Variants in ABCA8 observed in about 807,000 individuals in gnomAD.
ABCA8 encodes ABC-type organic anion transporter ABCA8.
In ABCA8, 177 loss-of-function variants were observed where a neutral mutation model predicts 192.3. The observed-to-expected ratio is 0.92, with a 90% confidence interval of 0.81 to 1.04. The LOEUF (loss-of-function observed/expected upper bound fraction) is 1.04, where lower values mean the gene tolerates loss of function less well. ABCA8 is among the 50% of genes least tolerant of loss of function. The probability of loss-of-function intolerance (pLI) is 0.00; values close to 1 mark genes in which losing one functional copy is unlikely to be tolerated. For missense variants in ABCA8, 1,915 were observed against 1,904.8 expected, an observed-to-expected ratio of 1.01 and a Z score of -0.10; for synonymous variants, 642 against 690.2, an observed-to-expected ratio of 0.93 and a Z score of 1.09.
chr17:68,867,877 A>G lies in ABCA8; in HGVS notation c.*208T>C, dbSNP rs1255885514. The G allele has an allele frequency of 3.9e-6, 2 of 515,136 alleles. No homozygotes were observed. The highest frequency in any genetic ancestry group is 6.9e-6 in the Non-Finnish European group (2 of 291,268). 31.9% of individuals were successfully genotyped at this position (515,136 alleles called of 1,614,324 possible). A position where few individuals can be genotyped will look rare whatever the true frequency, so the allele number is the denominator to read the frequency against. ...GAACCAGTATGGCCTGCAGAGATAC[A>G]GAGGCTGTGAGAGGAGGTTGGCTTA... On this transcript the variant is annotated 3_prime_UTR_variant, in exon 40 of 40. Transcript: ENST00000586539.
At chr17:68,906,913 T>G (rs756771331) in intron 18 of ABCA8, among the ~76,000 whole-genome samples, 13 of 152,136 alleles carry the variant, frequency 8.5e-5, no homozygotes, top group Non-Finnish European at 1.9e-4. Context: ...AATAAAAACC[T>G]AATTCTAATA....
At chr17:68,881,241 C>T in intron 31 of ABCA8, 30 bp from the exon 32 acceptor site, 2 of 1,422,758 alleles carry the variant, frequency 1.4e-6, no homozygotes, top group South Asian at 2.3e-5. Flanking sequence ...TAATATTAAT[C>T]TATTTTAATG....
At chr17:68,922,049 G>A (rs1484690886) in intron 12 of ABCA8, among the ~76,000 whole-genome samples, 193 bp downstream of exon 12, 2 of 151,400 alleles carry the variant, frequency 1.3e-5, no homozygotes, top group Admixed American at 6.6e-5. Context: ...TAAAGTAGAA[G>A]CAATACATTA....
At chr17:68,943,517 C>A (rs1332890570) in intron 2 of ABCA8, among the ~76,000 whole-genome samples, 1 of 152,128 alleles carries the variant, frequency 6.6e-6, no homozygotes, top group East Asian at 1.9e-4. Flanking sequence ...TGCATAAATT[C>A]TCAAGAGAAT....
At chr17:68,909,353 G>A (rs1282101275) in intron 17 of ABCA8, among the ~76,000 whole-genome samples, 1 of 152,146 alleles carries the variant, frequency 6.6e-6, no homozygotes, top group African/African-American at 2.4e-5. Flanking sequence ...AAAAGAAAGG[G>A]CATGACTGGG....
chr17:68,918,060 G>A lies in ABCA8; in HGVS notation c.2034C>T (p.Ala678=). 4 of 1,614,008 alleles carry A rather than the reference G, an allele frequency of 2.5e-6. No individual in the cohort carries two copies. Among genetic ancestry groups the A allele is most frequent in the Non-Finnish European group, 3.4e-6 (4 of 1,179,984 alleles). Residue 678 remains alanine, a synonymous_variant, in exon 16 of 40, where the codon GCC becomes GCT. Coordinates refer to ENST00000586539, the MANE Select transcript of ABCA8 (RefSeq NM_001288985.2). ...ILFSTQFMDE[A]DILADRKVFL... is the part of the protein sequence containing the mutation. ...ACCAGTGATTACCCGCCAGGATGTC[G>A]GCCTCATCCATGAACTGGGTACTGA...
chr17:68,875,144 A>C, intron 37 of ABCA8, 116 bp downstream of exon 37: 1 of 1,418,150 alleles, frequency 7.1e-7, no homozygotes, highest in Non-Finnish European at 9.6e-7. Context: ...CTTCCTGCAG[A>C]ATCCAACAAA....
intron 32 of ABCA8, chr17:68,878,737 A>G (rs1370119619): frequency 6.6e-6 from 1 of 152,246 alleles, no homozygotes; most frequent in Non-Finnish European, 1.5e-5. Flanking sequence ...GAGGGTGTCC[A>G]TGATTGAAGT....
chr17:68,881,863 C>G lies in ABCA8; in HGVS notation c.3946G>C (p.Gly1316Arg), dbSNP rs1358643272. ...GAAGTGGAAGATCCCTATGGCCAAC[C>G]TTTTCTAACACAGAAGGAGACATTT... ...TRNVSFCVRKGEVLGLLGHNG... is the reference protein window; with the variant it reads ...TRNVSFCVRKREVLGLLGHNG... Residue 1316 changes from glycine to arginine, a missense_variant and splice_region_variant, in exon 31 of 40, where the codon GGT becomes CGT. By Grantham distance (125) the Gly-to-Arg change is moderately radical. Transcript: ENST00000586539. The G allele has an allele frequency of 6.2e-7, 1 of 1,613,126 alleles. No individual in the cohort carries two copies. Among genetic ancestry groups the G allele is most frequent in the Admixed American group, 1.7e-5 (1 of 60,016 alleles).
intron 12 of ABCA8, 35 bp downstream of exon 12, chr17:68,922,207 T>TACC (rs1349867847): frequency 1.6e-5 from 1 of 64,312 alleles, no homozygotes; most frequent in African/African-American, 1.1e-4. Flanking sequence ...TTTTTTTTTT[T>TACC]TTTTTTTTTT....
At position 68,867,493 on chromosome 17, in the gene ABCA8, A is replaced by C. The variant is rs2065948919; in HGVS notation, c.*592T>G. 1 of 152,178 alleles carries C rather than the reference A, an allele frequency of 6.6e-6. No homozygotes were observed. The highest frequency in any genetic ancestry group is 6.6e-5 in the Admixed American group (1 of 15,266). The allele number at this position is 152,178 out of a possible 1,614,324, so 9.4% of individuals were successfully genotyped here. On this transcript the variant is annotated 3_prime_UTR_variant, in exon 40 of 40. Coordinates refer to ENST00000586539, the MANE Select transcript of ABCA8 (RefSeq NM_001288985.2). ...TTACAGAAATAAAAAAGTACAATAT[A>C]TTTGAAATAGTAGGGTTTTTGTTTT...
chr17:68,877,862 TG>T (rs2066246888), intron 32 of ABCA8, 183 bp from the exon 33 acceptor site: 1 of 548,856 alleles, frequency 1.8e-6, no homozygotes. Context: ...GGAAAATAAG[TG>T]TGTCCACAGC....
At position 68,894,985 on chromosome 17, in the gene ABCA8, A is replaced by G; in HGVS notation, c.2793T>C (p.Ser931=). 6.2e-7 allele frequency: 1 copy of G among 1,613,328 alleles called. No homozygotes were observed. Among genetic ancestry groups the G allele is most frequent in the African/African-American group, 1.3e-5 (1 of 74,998 alleles). ...CTAAAGCTATGTTCTGGTGCTCCAC[A>G]GACTGTATAAAGTCATCAATGCTTG... The part of the protein sequence containing the change: ...TGASIDDFIQ[S]VEHQNIALEV... The change falls in exon 22 of 40, where the codon TCT becomes TCC. Residue 931 remains serine (S), a synonymous_variant. Transcript: ENST00000586539.
At chr17:68,954,827 T>A (rs1466953162) in intron 1 of ABCA8, among the ~76,000 whole-genome samples, 2 of 152,176 alleles carry the variant, frequency 1.3e-5, no homozygotes, top group Non-Finnish European at 2.9e-5. Flanking sequence ...TGCCCTACAT[T>A]ATTGTGCAAT....
At chr17:68,887,297 A>G (rs776908678) in intron 25 of ABCA8, 39 bp downstream of exon 25, 1 of 1,520,654 alleles carries the variant, frequency 6.6e-7, no homozygotes, top group African/African-American at 1.4e-5. Flanking sequence ...ACACAATGAT[A>G]TTGTGAATAT....
At position 68,917,253 on chromosome 17, in the gene ABCA8, A is replaced by G. The variant is rs538070336; in HGVS notation, c.2138+108T>C. ...CGATACTCCGTCTCAAAAACAAAAC[A>G]AAACAAAAAATAACAATAATACAAA... On this transcript the variant is annotated intron_variant, in intron 17 of 39. Transcript: ENST00000586539. 258 of 711,888 alleles carry G rather than the reference A, an allele frequency of 3.6e-4. No individual in the cohort carries two copies. The African/African-American group carries it at 4.5e-3, about 12-fold the overall frequency. 44.1% of individuals were successfully genotyped at this position (711,888 alleles called of 1,614,324 possible).
At chr17:68,893,721 C>CTTTTT (rs5821690) in intron 23 of ABCA8, among the ~76,000 whole-genome samples, 45,822 of 125,696 alleles carry the variant, frequency 0.36, 8,380 homozygotes, top group East Asian at 0.5. Flanking sequence ...TTCATATTCT[C>CTTTTT]TTTTTTTTTT....
intron 12 of ABCA8, 108 bp downstream of exon 12, chr17:68,922,134 A>G: frequency 2.5e-6 from 2 of 814,954 alleles, no homozygotes; most frequent in South Asian, 6.5e-5. Context: ...CACCGAAAGC[A>G]AAACTGAATT....
intron 23 of ABCA8, 29 bp from the exon 24 acceptor site, chr17:68,891,625 G>T: frequency 6.7e-7 from 1 of 1,494,028 alleles, no homozygotes; most frequent in South Asian, 1.2e-5. Context: ...ACAATGAACT[G>T]AATGAAGAAA....
Sources: gnomAD v4.1 joint callset for allele counts (sites outside exome capture counted in the v4.1 genomes callset) on GRCh38, gnomAD v4.1.1 for gene constraint, MANE v1.5 for transcripts, NCBI Gene and HGNC (gene_info 2026-07-23, HGNC 2026-07-21) for gene names.